HTATSF1: variants seen among roughly 807,000 people sequenced by gnomAD.
The protein encoded by HTATSF1 is 17S U2 SnRNP complex component HTATSF1.
In HTATSF1, 6 loss-of-function variants were observed where a neutral mutation model predicts 46.1. That is an observed-to-expected ratio of 0.13 (90% CI 0.07 to 0.26). The LOEUF (loss-of-function observed/expected upper bound fraction) is 0.26. HTATSF1 is among the 10% of genes least tolerant of loss of function. The probability of loss-of-function intolerance (pLI) is 1.00; values close to 1 mark genes in which losing one functional copy is unlikely to be tolerated. For synonymous variants in HTATSF1, 226 were observed against 211.5 expected (o/e 1.07, Z -0.60); for missense variants, 452 against 559.9 (o/e 0.81, Z 1.94).
At chrX:136,501,926 T>G (rs900033157) in intron 4 of HTATSF1, among the ~76,000 whole-genome samples, 4 of 111,970 alleles carry the variant, frequency 3.6e-5, no homozygotes, top group African/African-American at 1.3e-4. Flanking sequence ...TGTTAGATTT[T>G]TTAAATTTTT....
At position 136,509,237 on chromosome X, in the gene HTATSF1, GTTC is replaced by G. The variant is rs2075756651; in HGVS notation, c.924+62_924+64del. On this transcript the variant is annotated intron_variant, in intron 7 of 8. Transcript: ENST00000218364. Reference sequence around the variant, plus strand: ...AAGCAATAATTCCTCCACCTTATAAGTTCTTCTCAGATGTTAGTATACCCCTGA... The same window carrying G: ...AAGCAATAATTCCTCCACCTTATAAGTTCTCAGATGTTAGTATACCCCTGA... 3.6e-6 allele frequency: 3 copies of G among 837,598 alleles called. No homozygotes were observed. In the South Asian group the frequency reaches 6.2e-5, roughly 17 times the overall value. 69.0% of individuals were successfully genotyped at this position (837,598 alleles called of 1,213,427 possible).
Position 136,512,214 on chromosome X carries a change from A to G in HTATSF1, c.*201A>G. ...GTTTAGTTAAAATGTCATAGTTACA[A>G]TGCAAGTAAACTGGATACTTGTTCT... On this transcript the variant is annotated 3_prime_UTR_variant, in exon 9 of 9. Coordinates refer to ENST00000218364, the MANE Select transcript of HTATSF1 (RefSeq NM_014500.5). 1 of 338,735 alleles carries G rather than the reference A, an allele frequency of 3.0e-6. No homozygotes were observed. The highest frequency in any genetic ancestry group is 5.0e-6 in the Non-Finnish European group (1 of 201,413). The allele number at this position is 338,735 out of a possible 1,213,427, so 27.9% of individuals were successfully genotyped here.
At chrX:136,509,247 G>GT in intron 7 of HTATSF1, 67 bp downstream of exon 7, 1 of 764,732 alleles carries the variant, frequency 1.3e-6, no homozygotes, top group Non-Finnish European at 2.0e-6. Context: ...GTTCTTCTCA[G>GT]ATGTTAGTAT....
At position 136,510,976 on chromosome X, in the gene HTATSF1, A is replaced by G. The variant is rs761587544; in HGVS notation, c.1231A>G (p.Met411Val). 3.3e-6 allele frequency: 4 copies of G among 1,210,027 alleles called. No individual in the cohort carries two copies. In the African/African-American group the frequency reaches 7.0e-5, roughly 21 times the overall value. Residue 411 changes from methionine to valine, a missense_variant, in exon 9 of 9, where the codon ATG becomes GTG. Around this residue, in one of 3 missense-constraint regions of HTATSF1, gnomAD observed 246 missense variants for 245.3 expected, o/e 1.00. Transcript: ENST00000218364. ...HFSEHPSTSK[M>V]NAQETATGMA... ...TTCAGAGCACCCCAGCACATCTAAA[A>G]TGAATGCTCAAGAAACTGCAACTGG...
At chrX:136,503,067 C>G (rs1413146070) in intron 5 of HTATSF1, 126 bp downstream of exon 5, 2 of 380,009 alleles carry the variant, frequency 5.3e-6, no homozygotes, top group Non-Finnish European at 8.6e-6. Context: ...ATTAGCTCAT[C>G]AGGTACCTTT....
intron 6 of HTATSF1, among the ~76,000 whole-genome samples, chrX:136,507,978 C>T (rs2075750430): frequency 8.9e-6 from 1 of 112,309 alleles, no homozygotes; most frequent in African/African-American, 3.2e-5. Flanking sequence ...TTGGCTGCTT[C>T]TCCAAAATTG....
At chrX:136,509,934 G>A (rs1260069628) in intron 7 of HTATSF1, 148 bp from the exon 8 acceptor site, 2 of 472,838 alleles carry the variant, frequency 4.2e-6, no homozygotes, top group Non-Finnish European at 6.7e-6. Context: ...GTGACTGGCT[G>A]GGATAAAATG....
intron 6 of HTATSF1, among the ~76,000 whole-genome samples, chrX:136,506,749 C>G (rs750797846): frequency 7.1e-5 from 8 of 112,184 alleles, no homozygotes; most frequent in African/African-American, 9.7e-5. Context: ...CCTTCCTGGC[C>G]TCACATGGTC....
At chrX:136,507,921 C>G (rs1266705826) in intron 6 of HTATSF1, among the ~76,000 whole-genome samples, 2 of 111,801 alleles carry the variant, frequency 1.8e-5, no homozygotes, top group African/African-American at 6.5e-5. Context: ...AACTTTTATT[C>G]TCTACTCCTT....
Position 136,497,849 on chromosome X carries a change from C to G in HTATSF1, c.165C>G (p.Asp55Glu). 8.5e-7 allele frequency: 1 copy of G among 1,173,652 alleles called. No individual in the cohort carries two copies. The highest frequency in any genetic ancestry group is 1.1e-6 in the Non-Finnish European group (1 of 869,823). ...ACACTCCCTACGAGTGGGACCTGGA[C>G]AAAAAGGCTTGGTTCCCCAAGGTAG... Reference protein sequence around the residue: ...PTDTPYEWDLDKKAWFPKITE... With the variant: ...PTDTPYEWDLEKKAWFPKITE... Residue 55 changes from aspartate to glutamate, a missense_variant, in exon 1 of 9, where the codon GAC becomes GAG. Asp to Glu is a conservative substitution (Grantham distance 45). Transcript: ENST00000218364.
rs1223072685 is a variant in HTATSF1, at chrX:136,511,819, G to A, written c.2074G>A (p.Ala692Thr). ...TGCAGATGGAAAGGAAGTTGAAGAT[G>A]CTGACGAAAAGTTGTTCGAAGATGA... ...EDADGKEVED[A>T]DEKLFEDDDS... The change falls in exon 9 of 9, where the codon GCT becomes ACT. Residue 692 changes from alanine (A) to threonine (T), a missense_variant. Ala to Thr is a moderately conservative substitution (Grantham distance 58). Transcript: ENST00000218364. The A allele has an allele frequency of 3.3e-6, 4 of 1,211,469 alleles. No individual in the cohort carries two copies. In the East Asian group the frequency reaches 1.2e-4, roughly 36 times the overall value.
chrX:136,510,104 C>G lies in HTATSF1; in HGVS notation c.947C>G (p.Ser316Cys). The change falls in exon 8 of 9, where the codon TCT becomes TGT. Residue 316 changes from serine (S) to cysteine (C), a missense_variant. Ser to Cys is a moderately radical substitution (Grantham distance 112, BLOSUM62 -1). Around this residue, in one of 3 missense-constraint regions of HTATSF1, gnomAD observed 117 missense variants for 222.2 expected, o/e 0.53. Coordinates refer to ENST00000218364, the MANE Select transcript of HTATSF1 (RefSeq NM_014500.5). Reference protein sequence around the residue: ...LFDRHPDGVASVSFRDPEEAD... With the variant: ...LFDRHPDGVACVSFRDPEEAD... ...TAGAGGCACCCAGATGGTGTGGCCT[C>G]TGTGTCCTTTCGGGATCCAGAGGAA... 8.3e-7 allele frequency: 1 copy of G among 1,207,075 alleles called. No homozygotes were observed. Among genetic ancestry groups the G allele is most frequent in the South Asian group, 1.8e-5 (1 of 56,402 alleles).
At chrX:136,510,754 G>T in intron 8 of HTATSF1, 54 bp from the exon 9 acceptor site, 1 of 1,129,338 alleles carries the variant, frequency 8.9e-7, no homozygotes, top group Non-Finnish European at 1.2e-6. Flanking sequence ...TATGTTCAGA[G>T]AAGTAACCTT....
At position 136,500,196 on chromosome X, in the gene HTATSF1, T is replaced by A; in HGVS notation, c.406T>A (p.Tyr136Asn). The change falls in exon 3 of 9, where the codon TAC (tyrosine) becomes AAC (asparagine). Residue 136 changes from tyrosine to asparagine, a missense_variant. Physicochemically the swap from Tyr to Asn is moderately radical, Grantham distance 143. Transcript: ENST00000218364. The part of the protein sequence containing the change: ...HVEEDRNTNV[Y>N]VSGLPPDITV... ...TGAAGAAGACAGAAATACAAATGTA[T>A]ACGTGTCTGGTATGTATAACTTTTT... 1 of 1,102,496 alleles carries A rather than the reference T, an allele frequency of 9.1e-7. No homozygotes were observed. The highest frequency in any genetic ancestry group is 1.2e-6 in the Non-Finnish European group (1 of 801,985). 90.9% of individuals were successfully genotyped at this position (1,102,496 alleles called of 1,213,427 possible).
intron 4 of HTATSF1, among the ~76,000 whole-genome samples, chrX:136,501,535 G>A (rs1208186719): frequency 2.7e-5 from 3 of 112,544 alleles, no homozygotes; most frequent in African/African-American, 9.7e-5. Context: ...GCCAGAGGCA[G>A]CCATCATTTC....
At chrX:136,509,999 A>G in intron 7 of HTATSF1, 83 bp from the exon 8 acceptor site, 7 of 902,674 alleles carry the variant, frequency 7.8e-6, no homozygotes, top group Non-Finnish European at 9.3e-6. Flanking sequence ...AGAGAACACT[A>G]CTACTTACCT....
At chrX:136,498,064 T>C (rs888008447) in intron 1 of HTATSF1, among the ~76,000 whole-genome samples, 194 bp downstream of exon 1, 1 of 112,870 alleles carries the variant, frequency 8.9e-6, no homozygotes, top group Non-Finnish European at 1.9e-5. Context: ...GTGTCTTAAA[T>C]GTAATTTTTA....
chrX:136,510,338 T>A, intron 8 of HTATSF1, 119 bp downstream of exon 8: 4 of 468,408 alleles, frequency 8.5e-6, no homozygotes, highest in Non-Finnish European at 1.3e-5. Context: ...CTTCTTTTAT[T>A]TTTATTTACT....
At position 136,509,095 on chromosome X, in the gene HTATSF1, A is replaced by T; in HGVS notation, c.839A>T (p.Asp280Val). 8.3e-7 allele frequency: 1 copy of T among 1,201,647 alleles called. No homozygotes were observed. Among genetic ancestry groups the T allele is most frequent in the Non-Finnish European group, 1.1e-6 (1 of 886,417 alleles). The part of the protein sequence containing the change: ...NMFHPMDFED[D>V]PLVLNEIRED... ...TTAATCATGCATATTTTTCAGGATG[A>T]TCCGTTGGTGCTGAATGAGATCAGA... is the stretch of plus-strand genomic sequence containing the variant. The change falls in exon 7 of 9, where the codon GAT (aspartate) becomes GTT (valine). Residue 280 changes from aspartate (D) to valine (V), a missense_variant. By Grantham distance (152) the Asp-to-Val change is radical. Transcript: ENST00000218364.
Sources: allele counts gnomAD v4.1 joint callset (sites outside exome capture counted in the v4.1 genomes callset), GRCh38; gene constraint gnomAD v4.1.1; regional missense constraint gnomAD v4.1.1; transcripts MANE v1.5; gene names NCBI Gene and HGNC (gene_info 2026-07-23, HGNC 2026-07-21).